TMEM114: variants seen among roughly 807,000 people sequenced by gnomAD.
TMEM114 encodes the protein claudin-26.
TMEM114 carries 6 observed loss-of-function variants against 6.2 expected under a neutral mutation model. That is an observed-to-expected ratio of 0.97 (90% CI 0.53 to 1.91). The LOEUF (loss-of-function observed/expected upper bound fraction) is 1.91, where lower values mean the gene tolerates loss of function less well. Among genes scored for constraint, TMEM114 ranks in the 40% most tolerant of loss-of-function variants. The probability of loss-of-function intolerance (pLI) is 0.01; values close to 1 mark genes in which losing one functional copy is unlikely to be tolerated. For missense variants in TMEM114, 218 were observed against 158.3 expected, an observed-to-expected ratio of 1.38 and a Z score of -2.02; for synonymous variants, 104 against 73.0, an observed-to-expected ratio of 1.42 and a Z score of -2.16.
At chr16:8,531,381 C>T in the TMEM114 span, among the ~76,000 whole-genome samples, 1 of 152,168 alleles carries the variant, frequency 6.6e-6, no homozygotes, top group Admixed American at 6.5e-5. Flanking sequence ...CATTCCAACC[C>T]CCTCCTTGGA....
downstream of TMEM114, among the ~76,000 whole-genome samples, chr16:8,565,049 G>GTGAGTGCGTCAA (rs1901491135): frequency 1.1e-5 from 1 of 93,184 alleles, no homozygotes; most frequent in African/African-American, 3.7e-5. Context: ...GAGTGAATGA[G>GTGAGTGCGTCAA]TGAGTGAGTG....
At chr16:8,587,930 A>G (rs1011119749) in intron 2 of TMEM114, among the ~76,000 whole-genome samples, 101 of 152,000 alleles carry the variant, frequency 6.6e-4, no homozygotes, top group Non-Finnish European at 1.2e-3. Flanking sequence ...CAGGAACATC[A>G]CTTGACCCAG....
intron 2 of TMEM114, among the ~76,000 whole-genome samples, chr16:8,548,297 T>A (rs930632896): frequency 2.6e-5 from 4 of 152,138 alleles, no homozygotes; most frequent in Non-Finnish European, 4.4e-5. Flanking sequence ...ATTTGAAGGG[T>A]CTGGCAGTGT....
At chr16:8,547,369 GCGCT>G in intron 2 of TMEM114, among the ~76,000 whole-genome samples, 1 of 148,054 alleles carries the variant, frequency 6.8e-6, no homozygotes, top group South Asian at 2.2e-4. Flanking sequence ...CTGAAGAGAC[GCGCT>G]TTCTTTCTTT....
intron 2 of TMEM114, among the ~76,000 whole-genome samples, chr16:8,542,494 A>G (rs1219830006): frequency 6.6e-6 from 1 of 152,166 alleles, no homozygotes; most frequent in Non-Finnish European, 1.5e-5. Flanking sequence ...TTTGCAAAGG[A>G]TTGGGCCTGA....
chr16:8,531,796 AC>A, the TMEM114 span: 1 of 152,232 alleles, frequency 6.6e-6, no homozygotes, highest in East Asian at 1.9e-4. Context: ...CCATGAGAAA[AC>A]TGAATAGTCT....
chr16:8,563,383 G>T (rs1271257870), intron 2 of TMEM114, among the ~76,000 whole-genome samples: 1 of 150,238 alleles, frequency 6.7e-6, no homozygotes, highest in Non-Finnish European at 1.5e-5. Context: ...ATGAGTGAAT[G>T]AGTGAGTGAA....
At chr16:8,548,382 A>G (rs2141656014) in intron 2 of TMEM114, among the ~76,000 whole-genome samples, 1 of 152,290 alleles carries the variant, frequency 6.6e-6, no homozygotes, top group South Asian at 2.1e-4. Context: ...ATAGCTTCCT[A>G]CAGTCAAGGT....
exon 3 of TMEM114, chr16:8,537,722 C>G (rs376246813): frequency 6.6e-6 from 1 of 152,026 alleles, no homozygotes. Flanking sequence ...CTGTTTTATA[C>G]CAGGAACTTC....
chr16:8,569,812 G>A lies in TMEM114; in HGVS notation c.633C>T (p.Arg211=), dbSNP rs752876278. The change falls in exon 4 of 4, where the codon CGC becomes CGT. Residue 211 remains arginine, a synonymous_variant. Coordinates refer to ENST00000620492, the MANE Select transcript of TMEM114 (RefSeq NM_001146336.2). The part of the protein sequence containing the change: ...LTGAAFLAAA[R]ELSLRRRQDQ... Reference sequence around the variant, plus strand: ...CCTGCCTCCGTCTCAGGCTGAGCTCGCGGGCTGCTGCCAGGAAGGCTGCCC... The same window carrying A: ...CCTGCCTCCGTCTCAGGCTGAGCTCACGGGCTGCTGCCAGGAAGGCTGCCC... The A allele has an allele frequency of 3.2e-6, 5 of 1,550,854 alleles. No homozygotes were observed. Among genetic ancestry groups the A allele is most frequent in the Non-Finnish European group, 4.4e-6 (5 of 1,146,922 alleles).
chr16:8,580,199 T>C (rs1185079453), intron 2 of TMEM114, among the ~76,000 whole-genome samples: 1 of 151,910 alleles, frequency 6.6e-6, no homozygotes. Context: ...TTAGAAAAAA[T>C]TAAAACAAGG....
chr16:8,541,426 A>G (rs1432937050), intron 2 of TMEM114, among the ~76,000 whole-genome samples: 1 of 152,174 alleles, frequency 6.6e-6, no homozygotes, highest in Non-Finnish European at 1.5e-5. Flanking sequence ...GATAAAAAAA[A>G]ATGAAAGCAC....
At chr16:8,565,847 G>T (rs1901525529), downstream of TMEM114, among the ~76,000 whole-genome samples, 1 of 152,178 alleles carries the variant, frequency 6.6e-6, no homozygotes, top group Admixed American at 6.5e-5. Context: ...GGGCCCCAGT[G>T]CTAGCAACTG....
chr16:8,568,195 C>T (rs1019162057), downstream of TMEM114, among the ~76,000 whole-genome samples: 3 of 152,190 alleles, frequency 2.0e-5, no homozygotes, highest in Non-Finnish European at 4.4e-5. Flanking sequence ...GTCCTCACCA[C>T]GGGCTACGTA....
intron 2 of TMEM114, among the ~76,000 whole-genome samples, chr16:8,558,520 T>C (rs76490341): frequency 6.6e-6 from 1 of 152,172 alleles, no homozygotes; most frequent in Non-Finnish European, 1.5e-5. Context: ...TCATCTTAAC[T>C]ATAGTAATTA....
At chr16:8,543,446 GTCATGCAATGGTGCACCTTGCA>G (rs1276855594) in intron 2 of TMEM114, among the ~76,000 whole-genome samples, 258 of 103,342 alleles carry the variant, frequency 2.5e-3, no homozygotes, top group African/African-American at 5.9e-3. Context: ...AGTCACTTGC[GTCATGCAATGGTGCACCTTGCA>G]TCATGCAATG....
At chr16:8,564,233 G>C (rs561833610) in intron 2 of TMEM114, among the ~76,000 whole-genome samples, 1 of 22,590 alleles carries the variant, frequency 4.4e-5, no homozygotes, top group African/African-American at 2.0e-4. Context: ...GAATGAGTGA[G>C]TTAGTGAATG....
intron 2 of TMEM114, among the ~76,000 whole-genome samples, chr16:8,544,219 G>T (rs992843049): frequency 1.3e-5 from 2 of 152,180 alleles, no homozygotes; most frequent in South Asian, 4.1e-4. Flanking sequence ...GCCCTCTCAT[G>T]CTGGCTTTAT....
At chr16:8,557,746 G>A (rs114908824) in intron 2 of TMEM114, among the ~76,000 whole-genome samples, 203 of 152,258 alleles carry the variant, frequency 1.3e-3, no homozygotes, top group African/African-American at 4.7e-3. Flanking sequence ...GATAATAACA[G>A]CACCTACTTC....
Sources: allele counts gnomAD v4.1 joint callset (sites outside exome capture counted in the v4.1 genomes callset), GRCh38; gene constraint gnomAD v4.1.1; transcripts MANE v1.5; gene names NCBI Gene and HGNC (gene_info 2026-07-23, HGNC 2026-07-21).